The following MARCHF3 variants were observed in gnomAD, a reference collection of about 807,000 sequenced individuals.
The protein encoded by MARCHF3 is membrane associated ring-CH-type finger 3.
Under a neutral mutation model 24.2 loss-of-function variants are expected in MARCHF3, and 13 were observed. The observed-to-expected ratio is 0.54, with a 90% CI of 0.35 to 0.85. The LOEUF (loss-of-function observed/expected upper bound fraction) is 0.85, where lower values mean the gene tolerates loss of function less well. Ranked by LOEUF, MARCHF3 falls within the 40% of genes least tolerant of loss-of-function variation. The pLI is 0.01. For missense variants in MARCHF3, 276 were observed against 325.0 expected (o/e 0.85, Z 1.16); for synonymous variants, 144 against 137.3 (o/e 1.05, Z -0.34).
chr5:126,878,452 G>T (rs1561774613), intron 3 of MARCHF3, 58 bp from the exon 4 acceptor site: 2 of 1,501,866 alleles, frequency 1.3e-6, no homozygotes, highest in Non-Finnish European at 1.8e-6. Context: ...CCAGTGTGGA[G>T]TGGAGACACG....
intron 4 of MARCHF3, among the ~76,000 whole-genome samples, chr5:126,874,802 C>G (rs1753093287): frequency 6.6e-6 from 1 of 152,272 alleles, no homozygotes; most frequent in Admixed American, 6.5e-5. Context: ...GGAAATACCG[C>G]TGAATACCCT....
At chr5:126,987,718 C>T (rs1330809654) in intron 1 of MARCHF3, among the ~76,000 whole-genome samples, 1 of 152,170 alleles carries the variant, frequency 6.6e-6, no homozygotes, top group Non-Finnish European at 1.5e-5. Context: ...AACAAAACCC[C>T]AGGCCCACTG....
chr5:126,994,495 A>C (rs1751882255), intron 1 of MARCHF3, among the ~76,000 whole-genome samples: 1 of 152,150 alleles, frequency 6.6e-6, no homozygotes, highest in African/African-American at 2.4e-5. Context: ...AAAAAGAATG[A>C]ATTTTACGGC....
chr5:127,008,065 A>C (rs1752363658), intron 1 of MARCHF3, among the ~76,000 whole-genome samples: 1 of 152,150 alleles, frequency 6.6e-6, no homozygotes, highest in African/African-American at 2.4e-5. Context: ...AGGAGGTGCA[A>C]ATGTCAATCC....
At chr5:126,997,159 G>A (rs755736122) in intron 1 of MARCHF3, among the ~76,000 whole-genome samples, 6 of 152,182 alleles carry the variant, frequency 3.9e-5, no homozygotes, top group Non-Finnish European at 8.8e-5. Flanking sequence ...GATACCAGAT[G>A]TTAAATTTAA....
intron 1 of MARCHF3, among the ~76,000 whole-genome samples, chr5:127,013,563 G>A (rs1170426433): frequency 6.6e-6 from 1 of 151,968 alleles, no homozygotes; most frequent in Non-Finnish European, 1.5e-5. Flanking sequence ...AGGAGGAAAG[G>A]GATCCCTGCC....
chr5:126,872,336 AGGCGTGAACCATGGTGCCCG>A (rs1163478535), intron 4 of MARCHF3, among the ~76,000 whole-genome samples: 2 of 152,168 alleles, frequency 1.3e-5, no homozygotes, highest in Non-Finnish European at 2.9e-5. Context: ...CTGGGATTAC[AGGCGTGAACCATGGTGCCCG>A]GCCAAGGTGC....
intron 1 of MARCHF3, among the ~76,000 whole-genome samples, chr5:126,927,805 T>G (rs1402039689): frequency 6.6e-6 from 1 of 152,206 alleles, no homozygotes; most frequent in East Asian, 1.9e-4. Flanking sequence ...TTGTTTGTTT[T>G]TTTTTGTAGG....
At chr5:126,984,640 G>A (rs919666423) in intron 1 of MARCHF3, among the ~76,000 whole-genome samples, 4 of 152,126 alleles carry the variant, frequency 2.6e-5, no homozygotes, top group Admixed American at 6.5e-5. Flanking sequence ...GAGTCACCCC[G>A]CCAAGAAAAT....
At chr5:126,935,928 T>G (rs1326583323) in intron 1 of MARCHF3, among the ~76,000 whole-genome samples, 1 of 152,144 alleles carries the variant, frequency 6.6e-6, no homozygotes, top group Non-Finnish European at 1.5e-5. Context: ...CTTTAATATA[T>G]GTATATACAG....
intron 1 of MARCHF3, among the ~76,000 whole-genome samples, chr5:127,011,524 G>C (rs1466717882): frequency 2.0e-5 from 3 of 152,124 alleles, no homozygotes; most frequent in Non-Finnish European, 4.4e-5. Context: ...TTTGCTTAAA[G>C]ATTAGACTAT....
intron 1 of MARCHF3, among the ~76,000 whole-genome samples, chr5:126,933,465 G>A (rs1196724770): frequency 7.0e-6 from 1 of 143,534 alleles, no homozygotes. Flanking sequence ...TTTTTTTTGA[G>A]ACAGAGTCTC....
chr5:126,929,801 G>C (rs978676513), intron 1 of MARCHF3, among the ~76,000 whole-genome samples: 17 of 152,278 alleles, frequency 1.1e-4, no homozygotes, highest in Admixed American at 1.1e-3. Flanking sequence ...TTGAATCATG[G>C]GGGCAGGTCT....
At chr5:126,890,585 G>C (rs145033541) in intron 3 of MARCHF3, among the ~76,000 whole-genome samples, 1 of 151,542 alleles carries the variant, frequency 6.6e-6, no homozygotes, top group Non-Finnish European at 1.5e-5. Context: ...AAGTTTTCCA[G>C]TTTCATCCAT....
intron 1 of MARCHF3, among the ~76,000 whole-genome samples, chr5:126,976,333 C>T (rs1023200435): frequency 6.6e-6 from 1 of 152,186 alleles, no homozygotes; most frequent in Non-Finnish European, 1.5e-5. Context: ...TGCATTTTGC[C>T]AGCCCTGAAC....
intron 1 of MARCHF3, among the ~76,000 whole-genome samples, chr5:127,021,459 T>C (rs1752803812): frequency 1.3e-5 from 2 of 152,232 alleles, no homozygotes; most frequent in South Asian, 4.1e-4. Flanking sequence ...TTTCATAATT[T>C]CATACAGTAT....
chr5:126,919,986 CAGTT>C (rs1749047365), intron 1 of MARCHF3, among the ~76,000 whole-genome samples: 2 of 152,130 alleles, frequency 1.3e-5, no homozygotes, highest in African/African-American at 2.4e-5. Context: ...TCAGCACAGT[CAGTT>C]AGTTGGTATA....
intron 1 of MARCHF3, among the ~76,000 whole-genome samples, chr5:126,968,713 T>C (rs1207347480): frequency 6.6e-6 from 1 of 152,042 alleles, no homozygotes; most frequent in Non-Finnish European, 1.5e-5. Flanking sequence ...TAGCTGGGAT[T>C]ACAGGTGTAC....
intron 3 of MARCHF3, among the ~76,000 whole-genome samples, chr5:126,900,495 C>A (rs1479704746): frequency 2.0e-5 from 3 of 152,030 alleles, no homozygotes; most frequent in Admixed American, 6.6e-5. Context: ...TGGCAGTCTG[C>A]AACCAGGAGG....
Sources: allele counts gnomAD v4.1 joint callset (sites outside exome capture counted in the v4.1 genomes callset), GRCh38; gene constraint gnomAD v4.1.1; transcripts MANE v1.5; gene names NCBI Gene and HGNC (gene_info 2026-07-23, HGNC 2026-07-21).